N4BP2: variants seen among roughly 807,000 people sequenced by gnomAD.
N4BP2 encodes NEDD4 binding protein 2.
In N4BP2, 91 loss-of-function variants were observed where a neutral mutation model predicts 152.8. The ratio of observed to expected loss-of-function variants is 0.60; its 90% CI spans 0.50 to 0.71. The LOEUF (loss-of-function observed/expected upper bound fraction) is 0.71. Ranked by LOEUF, N4BP2 falls within the 30% of genes least tolerant of loss-of-function variation. The probability of loss-of-function intolerance (pLI) is 0.00; values close to 1 mark genes in which losing one functional copy is unlikely to be tolerated. For synonymous variants in N4BP2, 646 were observed against 705.3 expected, an observed-to-expected ratio of 0.92 and a Z score of 1.33; for missense variants, 1,923 against 2,059.1, an observed-to-expected ratio of 0.93 and a Z score of 1.28.
chr4:40,111,068 T>A (rs793995), intron 5 of N4BP2, among the ~76,000 whole-genome samples: 102,977 of 151,862 alleles, frequency 0.68, 35,549 homozygotes, highest in South Asian at 0.77. Context: ...TGTGTGTGTA[T>A]ATTTGTCCAT....
chr4:40,148,420 C>T (rs973128526), intron 16 of N4BP2, among the ~76,000 whole-genome samples: 9 of 140,160 alleles, frequency 6.4e-5, no homozygotes, highest in Middle Eastern at 3.6e-3. Flanking sequence ...AGCTTCGGCT[C>T]GGCATCAGAG....
intron 11 of N4BP2, among the ~76,000 whole-genome samples, chr4:40,124,638 C>T (rs577547712): frequency 2.2e-4 from 34 of 152,222 alleles, no homozygotes; most frequent in Admixed American, 2.6e-4. Flanking sequence ...TGAGCCACTG[C>T]GCCCAGCCAG....
intron 11 of N4BP2, among the ~76,000 whole-genome samples, chr4:40,124,911 G>A (rs2667718): frequency 0.053 from 8,098 of 152,188 alleles, 673 homozygotes; most frequent in East Asian, 0.42. Context: ...AGTATTGTTA[G>A]ACCACAAAAC....
Position 40,120,449 on chromosome 4 carries a change from C to T in N4BP2, c.2338C>T (p.Pro780Ser). ...AAGCAAATCGACTTTGGAAAAGTTC[C>T]CAAGACATGAGCTATCAAATTTTGT... is the stretch of plus-strand genomic sequence containing the variant. ...QKSKSTLEKF[P>S]RHELSNFVGD... is the part of the protein sequence containing the mutation. The change falls in exon 9 of 18, where the codon CCA (proline) becomes TCA (serine). Residue 780 changes from proline to serine, a missense_variant. Physicochemically the swap from Pro to Ser is moderately conservative, Grantham distance 74. Transcript: ENST00000261435. The T allele has an allele frequency of 6.2e-7, 1 of 1,613,794 alleles. No homozygotes were observed. Among genetic ancestry groups the T allele is most frequent in the Middle Eastern group, 1.6e-4 (1 of 6,062 alleles).
Position 40,126,788 on chromosome 4 carries a change from C to T in N4BP2, c.4527+458C>T, listed in dbSNP as rs192372728. Among the ~76,000 whole-genome samples the T allele has an allele frequency of 2.3e-4, 35 of 152,142 alleles. No homozygotes were observed. In the East Asian group the frequency reaches 4.3e-3, roughly 18 times the overall value. Reference sequence around the variant, plus strand: ...TATTTTATTTTTGGAGATGGAGTCTCGCTCTGTTGCCCAGGCTGGAGTACA... The same window carrying T: ...TATTTTATTTTTGGAGATGGAGTCTTGCTCTGTTGCCCAGGCTGGAGTACA... On this transcript the variant is annotated intron_variant, in intron 12 of 17. Transcript: ENST00000261435.
the N4BP2 span, among the ~76,000 whole-genome samples, chr4:40,164,664 G>T: frequency 6.6e-6 from 1 of 152,180 alleles, no homozygotes; most frequent in Non-Finnish European, 1.5e-5. Context: ...GATAGATAGG[G>T]TCACTGGGAG....
intron 1 of N4BP2, among the ~76,000 whole-genome samples, chr4:40,064,105 GTAAT>G: frequency 6.6e-6 from 1 of 152,008 alleles, no homozygotes; most frequent in East Asian, 1.9e-4. Context: ...CTCATCCACT[GTAAT>G]TCTTAACCAC....
chr4:40,153,460 A>G (rs1721318071), intron 17 of N4BP2, among the ~76,000 whole-genome samples: 1 of 152,224 alleles, frequency 6.6e-6, no homozygotes, highest in Non-Finnish European at 1.5e-5. Context: ...AATGCCATTA[A>G]TGACCTGTGT....
chr4:40,173,174 C>T, the N4BP2 span, among the ~76,000 whole-genome samples: 2 of 149,912 alleles, frequency 1.3e-5, no homozygotes, highest in Non-Finnish European at 3.0e-5. Context: ...CCCTTGTCCC[C>T]TTAGAGGGGC....
At chr4:40,134,272 T>TG (rs964738487) in intron 13 of N4BP2, among the ~76,000 whole-genome samples, 8 of 152,226 alleles carry the variant, frequency 5.3e-5, no homozygotes, top group Non-Finnish European at 1.0e-4. Context: ...ATCTCCCAGA[T>TG]GCCAGAGGTT....
At chr4:40,124,112 CT>C in intron 10 of N4BP2, 47 bp from the exon 11 acceptor site, 1 of 1,452,586 alleles carries the variant, frequency 6.9e-7, no homozygotes, top group African/African-American at 1.4e-5. Flanking sequence ...TCCTTGTTTA[CT>C]AATGCACTCC....
At chr4:40,151,558 C>T (rs1721154936) in intron 16 of N4BP2, among the ~76,000 whole-genome samples, 1 of 152,184 alleles carries the variant, frequency 6.6e-6, no homozygotes, top group African/African-American at 2.4e-5. Context: ...AGGCATGAGC[C>T]ACTGTCCCTG....
chr4:40,164,247 A>T, the N4BP2 span, among the ~76,000 whole-genome samples: 1 of 152,124 alleles, frequency 6.6e-6, no homozygotes, highest in Non-Finnish European at 1.5e-5. Flanking sequence ...ACAGATTCAG[A>T]AAGTTTGAGG....
intron 1 of N4BP2, among the ~76,000 whole-genome samples, chr4:40,072,362 C>G (rs569125197): frequency 1.3e-5 from 2 of 151,288 alleles, no homozygotes; most frequent in African/African-American, 4.9e-5. Flanking sequence ...TCTCCTGCCT[C>G]AGCCTCCTGA....
chr4:40,077,020 G>T (rs1712811828), intron 2 of N4BP2, among the ~76,000 whole-genome samples: 1 of 152,076 alleles, frequency 6.6e-6, no homozygotes. Context: ...TACATATAGA[G>T]AGATTTTTTT....
chr4:40,132,933 T>C (rs879129275), intron 13 of N4BP2, among the ~76,000 whole-genome samples: 2 of 152,128 alleles, frequency 1.3e-5, no homozygotes, highest in African/African-American at 4.8e-5. Context: ...ATTTTTTTTT[T>C]TCTGTTCCTG....
intron 13 of N4BP2, among the ~76,000 whole-genome samples, chr4:40,135,556 G>GTCTT (rs1314208178): frequency 2.0e-5 from 3 of 152,100 alleles, no homozygotes; most frequent in Non-Finnish European, 2.9e-5. Flanking sequence ...CTAGTTTACA[G>GTCTT]TCTTTCTTTC....
chr4:40,107,847 G>C (rs1188935005), intron 5 of N4BP2, among the ~76,000 whole-genome samples: 3 of 152,078 alleles, frequency 2.0e-5, no homozygotes, highest in Admixed American at 6.6e-5. Context: ...TATCAGTAGG[G>C]ATCTTTTGAG....
chr4:40,110,458 C>T (rs1408327162), intron 5 of N4BP2, among the ~76,000 whole-genome samples: 4 of 152,146 alleles, frequency 2.6e-5, no homozygotes, highest in East Asian at 1.9e-4. Context: ...GAAGTGGTAT[C>T]TCACTGTGGT....
Sources: allele counts gnomAD v4.1 joint callset (sites outside exome capture counted in the v4.1 genomes callset), GRCh38; gene constraint gnomAD v4.1.1; transcripts MANE v1.5; gene names NCBI Gene and HGNC (gene_info 2026-07-23, HGNC 2026-07-21).